The following GPC6 variants were observed in gnomAD, a reference collection of about 807,000 sequenced individuals.
GPC6 encodes glypican-6.
Under a neutral mutation model 55.2 loss-of-function variants are expected in GPC6, and 14 were observed. The ratio of observed to expected loss-of-function variants is 0.25; its 90% CI spans 0.17 to 0.40. GPC6 has a LOEUF of 0.40. GPC6 is among the 10% of genes least tolerant of loss of function. The pLI is 1.00. For missense variants in GPC6, 641 were observed against 708.5 expected (o/e 0.90, Z 1.08); for synonymous variants, 278 against 259.6 (o/e 1.07, Z -0.68).
intron 4 of GPC6, among the ~76,000 whole-genome samples, chr13:94,253,076 G>T (rs747548231): frequency 6.6e-6 from 1 of 152,058 alleles, no homozygotes; most frequent in Non-Finnish European, 1.5e-5. Flanking sequence ...TGCAAATGCT[G>T]GAAAAACTCC....
chr13:93,397,248 C>T (rs763729693), intron 1 of GPC6, among the ~76,000 whole-genome samples: 34 of 152,092 alleles, frequency 2.2e-4, no homozygotes, highest in Non-Finnish European at 4.0e-4. Context: ...CATTTCAGTC[C>T]ATCATTTTCC....
At chr13:93,926,297 G>A (rs1461328570) in intron 3 of GPC6, among the ~76,000 whole-genome samples, 1 of 152,112 alleles carries the variant, frequency 6.6e-6, no homozygotes, top group African/African-American at 2.4e-5. Context: ...CAAGCAGCTG[G>A]TTAAACATGC....
At chr13:93,485,404 C>A (rs558972630) in intron 1 of GPC6, among the ~76,000 whole-genome samples, 1 of 152,146 alleles carries the variant, frequency 6.6e-6, no homozygotes, top group Non-Finnish European at 1.5e-5. Flanking sequence ...ATCTGATGAC[C>A]AGTCAGGAGT....
chr13:94,180,011 G>A (rs1888930550), intron 4 of GPC6, among the ~76,000 whole-genome samples: 1 of 152,188 alleles, frequency 6.6e-6, no homozygotes, highest in Non-Finnish European at 1.5e-5. Context: ...TGAGATGAGT[G>A]AGCAGGTACC....
chr13:93,811,467 A>T (rs750127145), intron 2 of GPC6, among the ~76,000 whole-genome samples: 1 of 152,212 alleles, frequency 6.6e-6, no homozygotes, highest in Non-Finnish European at 1.5e-5. Flanking sequence ...TGGCTTGGGT[A>T]GTATCATAAT....
chr13:93,903,797 T>C (rs1368847765), intron 3 of GPC6, among the ~76,000 whole-genome samples: 1 of 151,970 alleles, frequency 6.6e-6, no homozygotes, highest in Non-Finnish European at 1.5e-5. Flanking sequence ...GCCCCAACTG[T>C]TTTTAAAATC....
intron 2 of GPC6, among the ~76,000 whole-genome samples, chr13:93,801,485 C>T (rs1886367182): frequency 6.6e-6 from 1 of 152,098 alleles, no homozygotes. Flanking sequence ...AAATGTCTGA[C>T]CCCTGAAGCA....
chr13:94,238,865 G>A (rs180919723), intron 4 of GPC6, among the ~76,000 whole-genome samples: 72 of 152,162 alleles, frequency 4.7e-4, no homozygotes, highest in Middle Eastern at 3.4e-3. Context: ...AACTGGGGAC[G>A]ACAGATAAAC....
intron 1 of GPC6, among the ~76,000 whole-genome samples, chr13:93,455,152 C>T (rs1420559985): frequency 6.6e-6 from 1 of 152,180 alleles, no homozygotes; most frequent in Non-Finnish European, 1.5e-5. Context: ...AGCCCCGGTT[C>T]CCGCTTGCGC....
At chr13:93,995,623 C>T (rs191402393) in intron 3 of GPC6, among the ~76,000 whole-genome samples, 58 of 152,226 alleles carry the variant, frequency 3.8e-4, no homozygotes, top group Non-Finnish European at 5.6e-4. Flanking sequence ...TACTAGTGAA[C>T]TTAAACTTCA....
In GPC6 at chr13:94,323,383, A is replaced by T. The variant is rs144855567; in HGVS notation, c.1152+17260A>T. On this transcript the variant is annotated intron_variant, in intron 6 of 8. Transcript: ENST00000377047. The stretch of plus-strand genomic sequence containing the variant: ...CCAATGTGCATAAAGCTCCTAGCTC[A>T]GCCATTGTCTGTACTCAGCCTAGAT... 8.5e-5 allele frequency among the ~76,000 whole-genome samples: 13 copies of T among 152,358 alleles called. No individual in the cohort carries two copies. The East Asian group carries it at 2.5e-3, about 29-fold the overall frequency.
At chr13:94,238,580 A>C (rs9524381) in intron 4 of GPC6, among the ~76,000 whole-genome samples, 33,813 of 152,114 alleles carry the variant, frequency 0.22, 4,019 homozygotes, top group East Asian at 0.42. Context: ...CAGACACAGG[A>C]TAAGTCCCTG....
intron 4 of GPC6, among the ~76,000 whole-genome samples, chr13:94,143,278 A>C (rs1225480595): frequency 6.6e-6 from 1 of 152,128 alleles, no homozygotes; most frequent in Admixed American, 6.5e-5. Context: ...TTTTCGTTGG[A>C]CTTTTTATTA....
intron 6 of GPC6, among the ~76,000 whole-genome samples, chr13:94,336,506 A>G (rs1444359901): frequency 6.6e-6 from 1 of 152,154 alleles, no homozygotes; most frequent in Non-Finnish European, 1.5e-5. Flanking sequence ...ACTTCTCAGT[A>G]TGAAAATGCA....
At chr13:93,391,739 A>C (rs1192448692) in intron 1 of GPC6, among the ~76,000 whole-genome samples, 1 of 152,226 alleles carries the variant, frequency 6.6e-6, no homozygotes, top group Middle Eastern at 3.4e-3. Flanking sequence ...TTAGCTTTTA[A>C]GATTTAGTGG....
chr13:93,713,965 C>T (rs1594393646), intron 2 of GPC6, among the ~76,000 whole-genome samples: 2 of 151,712 alleles, frequency 1.3e-5, no homozygotes, highest in Non-Finnish European at 2.9e-5. Flanking sequence ...AGTGTAAGAC[C>T]TCAAACTATA....
At chr13:94,106,728 G>A (rs1038638617) in intron 4 of GPC6, among the ~76,000 whole-genome samples, 1 of 152,172 alleles carries the variant, frequency 6.6e-6, no homozygotes, top group Non-Finnish European at 1.5e-5. Flanking sequence ...AGATACTGGA[G>A]AAGTTCACAA....
rs139943690 is a variant in GPC6 at position 94,072,787 on chromosome 13, A to G, written c.877+44893A>G. Among the ~76,000 whole-genome samples the G allele has an allele frequency of 8.2e-3, 1,244 of 152,348 alleles. 10 individuals carry two copies. The highest frequency in any genetic ancestry group is 0.013 in the Non-Finnish European group (884 of 68,036). On this transcript the variant is annotated intron_variant, in intron 4 of 8. Coordinates refer to ENST00000377047, the MANE Select transcript of GPC6 (RefSeq NM_005708.5). ...AAGACAAACGAGTCAAATAGCAATG[A>G]CAGGGCAAAGTGGCATGTGCTTAAT...
At chr13:93,912,544 C>G (rs536261768) in intron 3 of GPC6, among the ~76,000 whole-genome samples, 3 of 152,062 alleles carry the variant, frequency 2.0e-5, no homozygotes, top group South Asian at 4.1e-4. Flanking sequence ...GAGATCGAGA[C>G]CATCCTGGCT....
Sources: allele counts gnomAD v4.1 joint callset (sites outside exome capture counted in the v4.1 genomes callset), GRCh38; gene constraint gnomAD v4.1.1; transcripts MANE v1.5; gene names NCBI Gene and HGNC (gene_info 2026-07-23, HGNC 2026-07-21).